The following COL25A1 variants were observed in gnomAD, a reference collection of about 807,000 sequenced individuals.
The protein encoded by COL25A1 is collagen type XXV alpha 1 chain.
Under a neutral mutation model 128.4 loss-of-function variants are expected in COL25A1, and 103 were observed. The ratio of observed to expected loss-of-function variants is 0.80; its 90% confidence interval spans 0.68 to 0.94. The LOEUF (loss-of-function observed/expected upper bound fraction) is 0.94, where lower values mean the gene tolerates loss of function less well. Ranked by LOEUF, COL25A1 falls within the 40% of genes least tolerant of loss-of-function variation. The pLI is 0.00. For missense variants in COL25A1, 745 were observed against 840.0 expected, an observed-to-expected ratio of 0.89 and a Z score of 1.40; for synonymous variants, 279 against 277.2, an observed-to-expected ratio of 1.01 and a Z score of -0.06.
At chr4:108,920,319 T>G (rs750395674) in intron 12 of COL25A1, among the ~76,000 whole-genome samples, 4 of 152,218 alleles carry the variant, frequency 2.6e-5, no homozygotes, top group Admixed American at 6.5e-5. Flanking sequence ...TACCAGTATT[T>G]GAATTAAAAT....
At chr4:109,230,502 G>A (rs1294568608) in intron 3 of COL25A1, among the ~76,000 whole-genome samples, 2 of 152,008 alleles carry the variant, frequency 1.3e-5, no homozygotes, top group Non-Finnish European at 1.5e-5. Flanking sequence ...TGTATAATGT[G>A]GCCTTAATTA....
chr4:109,283,027 A>C (rs1023281892), intron 3 of COL25A1, among the ~76,000 whole-genome samples: 2 of 152,230 alleles, frequency 1.3e-5, no homozygotes, highest in Admixed American at 1.3e-4. Flanking sequence ...AAAATACTAT[A>C]ATGTTCTTAA....
At chr4:108,978,057 T>G (rs1345288993) in intron 6 of COL25A1, among the ~76,000 whole-genome samples, 1 of 152,230 alleles carries the variant, frequency 6.6e-6, no homozygotes, top group Non-Finnish European at 1.5e-5. Context: ...TTCCTCAAAG[T>G]CCAATTACTC....
intron 3 of COL25A1, among the ~76,000 whole-genome samples, chr4:109,298,363 C>T (rs1221467983): frequency 6.6e-6 from 1 of 152,154 alleles, no homozygotes; most frequent in Non-Finnish European, 1.5e-5. Flanking sequence ...AACAACACAT[C>T]ATTGCTTCTT....
intron 3 of COL25A1, among the ~76,000 whole-genome samples, chr4:109,227,426 T>C (rs1778878658): frequency 6.6e-6 from 1 of 152,196 alleles, no homozygotes; most frequent in Admixed American, 6.5e-5. Flanking sequence ...GGAAGGTATC[T>C]TGTAATTTTT....
rs144842941 is a variant in COL25A1, at chr4:109,239,394, GTATATA to G, written c.367+61183_367+61188del. Among the ~76,000 whole-genome samples the G allele has an allele frequency of 2.7e-3, 314 of 116,528 alleles. 3 individuals carry two copies. Among genetic ancestry groups the G allele is most frequent in the African/African-American group, 5.1e-3 (135 of 26,700 alleles). 76.4% of individuals were successfully genotyped at this position (116,528 alleles called of 152,430 possible). ...TGTGTGTATGTGTGTGTGTGTGTGT[GTATATA>G]TATATATATATATATATATATATTT... On this transcript the variant is annotated intron_variant, in intron 3 of 37. Transcript: ENST00000399132.
At chr4:109,106,727 C>T (rs1374619368) in intron 3 of COL25A1, among the ~76,000 whole-genome samples, 1 of 132,548 alleles carries the variant, frequency 7.5e-6, no homozygotes, top group Non-Finnish European at 1.5e-5. Context: ...CACTTTGGGA[C>T]TATATGCATG....
At chr4:109,006,199 C>CCCATAA (rs1426571607) in intron 6 of COL25A1, among the ~76,000 whole-genome samples, 4 of 151,296 alleles carry the variant, frequency 2.6e-5, no homozygotes, top group African/African-American at 7.3e-5. Context: ...AACTTAAAAA[C>CCCATAA]CCATAACAAG....
At chr4:108,977,718 T>C (rs929520750) in intron 6 of COL25A1, among the ~76,000 whole-genome samples, 1 of 152,222 alleles carries the variant, frequency 6.6e-6, no homozygotes, top group Non-Finnish European at 1.5e-5. Flanking sequence ...GAAAGGCTGA[T>C]TTAGAAAGAC....
intron 3 of COL25A1, among the ~76,000 whole-genome samples, chr4:109,085,157 C>T (rs1249178006): frequency 6.6e-6 from 1 of 152,152 alleles, no homozygotes; most frequent in Non-Finnish European, 1.5e-5. Context: ...TCTACTCTCT[C>T]ATCCATTGCA....
intron 18 of COL25A1, among the ~76,000 whole-genome samples, chr4:108,885,659 G>C (rs1740687183): frequency 6.6e-6 from 1 of 152,192 alleles, no homozygotes; most frequent in Middle Eastern, 3.4e-3. Flanking sequence ...AAAAGAGCTT[G>C]TACATATTTT....
chr4:108,888,200 T>C (rs1741050725), intron 18 of COL25A1, among the ~76,000 whole-genome samples: 1 of 152,138 alleles, frequency 6.6e-6, no homozygotes. Context: ...TCAAAAATTA[T>C]GTCCATCCTA....
intron 3 of COL25A1, among the ~76,000 whole-genome samples, chr4:109,066,781 C>T (rs1762488311): frequency 1.3e-5 from 2 of 152,208 alleles, no homozygotes; most frequent in South Asian, 4.2e-4. Flanking sequence ...TCCTGCCTCA[C>T]TCTCCCATGT....
intron 6 of COL25A1, among the ~76,000 whole-genome samples, chr4:108,975,947 T>C (rs1190575370): frequency 6.6e-6 from 1 of 152,184 alleles, no homozygotes; most frequent in Non-Finnish European, 1.5e-5. Flanking sequence ...ATATTTTGAA[T>C]GAGTCTTTTG....
At chr4:109,059,637 A>G (rs1761767041) in intron 3 of COL25A1, among the ~76,000 whole-genome samples, 1 of 152,208 alleles carries the variant, frequency 6.6e-6, no homozygotes, top group Non-Finnish European at 1.5e-5. Context: ...ATACACTGAG[A>G]ACACTCATGG....
chr4:108,930,443 G>T (rs1410968223), intron 11 of COL25A1, among the ~76,000 whole-genome samples: 2 of 152,166 alleles, frequency 1.3e-5, no homozygotes, highest in African/African-American at 4.8e-5. Context: ...ACTATGTGTT[G>T]CCTCTTCCCA....
intron 3 of COL25A1, among the ~76,000 whole-genome samples, chr4:109,060,700 A>C (rs983007928): frequency 2.0e-5 from 3 of 151,700 alleles, no homozygotes; most frequent in East Asian, 1.9e-4. Flanking sequence ...AAAAAAAAAA[A>C]CAAAAAAACA....
At chr4:109,061,449 C>G (rs1052676723) in intron 3 of COL25A1, among the ~76,000 whole-genome samples, 2 of 152,154 alleles carry the variant, frequency 1.3e-5, no homozygotes, top group Admixed American at 6.5e-5. Context: ...ATACTTCAAA[C>G]TATAGTTTAA....
chr4:109,177,383 T>A (rs1298345859), intron 3 of COL25A1, among the ~76,000 whole-genome samples: 3 of 152,204 alleles, frequency 2.0e-5, no homozygotes, highest in Non-Finnish European at 4.4e-5. Flanking sequence ...ATTTGGGGAA[T>A]GTTGGTAAAA....
Sources: allele counts gnomAD v4.1 joint callset (sites outside exome capture counted in the v4.1 genomes callset), GRCh38; gene constraint gnomAD v4.1.1; transcripts MANE v1.5; gene names NCBI Gene and HGNC (gene_info 2026-07-23, HGNC 2026-07-21).